The following PDE3B variants were observed in gnomAD, a reference collection of about 807,000 sequenced individuals.
PDE3B encodes the protein cGMP-inhibited 3',5'-cyclic phosphodiesterase 3B.
In PDE3B, 66 loss-of-function variants were observed where a neutral mutation model predicts 116.8. The observed-to-expected ratio is 0.56, with a 90% confidence interval of 0.46 to 0.69. The LOEUF (loss-of-function observed/expected upper bound fraction) is 0.69, where lower values mean the gene tolerates loss of function less well. Among genes scored for constraint, PDE3B ranks in the 30% least tolerant of loss-of-function variants. The probability of loss-of-function intolerance (pLI) is 0.00; values close to 1 mark genes in which losing one functional copy is unlikely to be tolerated. For missense variants in PDE3B, 1,384 were observed against 1,368.1 expected (o/e 1.01, Z -0.18); for synonymous variants, 595 against 533.6 (o/e 1.12, Z -1.59).
At chr11:14,689,311 G>A (rs969572792) in intron 1 of PDE3B, among the ~76,000 whole-genome samples, 2 of 152,078 alleles carry the variant, frequency 1.3e-5, no homozygotes, top group Non-Finnish European at 2.9e-5. Context: ...TGGAAAAGAC[G>A]AGTGGGCAAT....
At chr11:14,768,726 C>T (rs1436230772) in intron 1 of PDE3B, among the ~76,000 whole-genome samples, 1 of 151,396 alleles carries the variant, frequency 6.6e-6, no homozygotes, top group Non-Finnish European at 1.5e-5. Context: ...TTGGGTTTTT[C>T]CCTGATCTGT....
the PDE3B span, among the ~76,000 whole-genome samples, chr11:14,888,655 C>T: frequency 1.3e-5 from 2 of 152,252 alleles, no homozygotes; most frequent in African/African-American, 4.8e-5. Flanking sequence ...CTATCTTGAA[C>T]CAGAAACATT....
intron 1 of PDE3B, among the ~76,000 whole-genome samples, chr11:14,729,126 T>G (rs1189701271): frequency 6.6e-6 from 1 of 152,216 alleles, no homozygotes; most frequent in Non-Finnish European, 1.5e-5. Flanking sequence ...ATCAAATGTT[T>G]CCTGGAGATA....
intron 1 of PDE3B, among the ~76,000 whole-genome samples, chr11:14,744,006 G>A (rs574427574): frequency 2.0e-5 from 3 of 152,256 alleles, no homozygotes; most frequent in East Asian, 1.9e-4. Context: ...GTTGCTATTC[G>A]ACCATCTTGC....
In PDE3B at chr11:14,859,255, T is replaced by G; in HGVS notation, c.2724+9T>G. ...CAGAATTCAATGCCAAGGTTTGTTA[T>G]GAAAATTAGTGCCTGATTTAAAAAA... On this transcript the variant is annotated intron_variant, in intron 13 of 15. Coordinates refer to ENST00000282096, the MANE Select transcript of PDE3B (RefSeq NM_000922.4). 3.2e-6 allele frequency: 5 copies of G among 1,573,738 alleles called. No homozygotes were observed. Among genetic ancestry groups the G allele is most frequent in the Non-Finnish European group, 4.3e-6 (5 of 1,151,078 alleles).
At chr11:14,864,560 C>G (rs1371585419) in intron 14 of PDE3B, among the ~76,000 whole-genome samples, 1 of 152,306 alleles carries the variant, frequency 6.6e-6, no homozygotes, top group Non-Finnish European at 1.5e-5. Context: ...AAGTAAAACA[C>G]TCCTCAGCAA....
intron 1 of PDE3B, chr11:14,674,272 C>T: frequency 1.8e-6 from 2 of 1,123,322 alleles, no homozygotes; most frequent in South Asian, 1.2e-5. Flanking sequence ...TGTCTTCTTT[C>T]CTGGGGCAGC....
At chr11:14,842,424 A>T (rs950871327) in intron 11 of PDE3B, among the ~76,000 whole-genome samples, 3 of 152,350 alleles carry the variant, frequency 2.0e-5, no homozygotes, top group African/African-American at 7.2e-5. Context: ...AATATATTTT[A>T]AAATTGTAGG....
rs1402593397 is a variant in PDE3B, at chr11:14,832,624, T to C, written c.2095-98T>C. ...ATTATTAAAGACGTATATTAATACA[T>C]GGTTAACATTCCAGAATACAAATCA... On this transcript the variant is annotated intron_variant, in intron 9 of 15. Coordinates refer to ENST00000282096, the MANE Select transcript of PDE3B (RefSeq NM_000922.4). 41 of 521,648 alleles carry C rather than the reference T, an allele frequency of 7.9e-5. No individual in the cohort carries two copies. In the East Asian group the frequency reaches 1.3e-3, roughly 17 times the overall value. 32.3% of individuals were successfully genotyped at this position (521,648 alleles called of 1,614,324 possible).
Position 14,644,432 on chromosome 11 carries a change from G to C in PDE3B, c.357G>C (p.Leu119Phe), listed in dbSNP as rs751966148. Residue 119 changes from leucine (L) to phenylalanine (F), a missense_variant, in exon 1 of 16, where the codon TTG (leucine) becomes TTC (phenylalanine). Transcript: ENST00000282096. ...RTLLSVCSHS[L>F]SPLFSIACAF... ...TGCTGAGCGTGTGTTCGCACAGCTT[G>C]AGCCCCCTCTTCAGCATCGCCTGTG... The C allele has an allele frequency of 2.0e-5, 32 of 1,612,626 alleles. No homozygotes were observed. The highest frequency in any genetic ancestry group is 1.0e-4 in the Admixed American group (6 of 59,928).
intron 14 of PDE3B, among the ~76,000 whole-genome samples, chr11:14,863,328 T>G (rs1555007534): frequency 1.3e-5 from 2 of 152,160 alleles, no homozygotes; most frequent in Non-Finnish European, 2.9e-5. Flanking sequence ...GCATTCCTAT[T>G]TCTCCACATC....
chr11:14,699,963 T>C (rs971358754), intron 1 of PDE3B, among the ~76,000 whole-genome samples: 4 of 151,740 alleles, frequency 2.6e-5, no homozygotes, highest in African/African-American at 9.7e-5. Flanking sequence ...ACAAATACAG[T>C]ATTGAGTGCT....
intron 1 of PDE3B, among the ~76,000 whole-genome samples, chr11:14,764,293 T>C (rs1272573334): frequency 6.6e-6 from 1 of 152,120 alleles, no homozygotes; most frequent in African/African-American, 2.4e-5. Flanking sequence ...TTTTCTGCTA[T>C]TGACCTCCAT....
At chr11:14,877,975 GCTCTAGT>G in the PDE3B span, 1 of 773,004 alleles carries the variant, frequency 1.3e-6, no homozygotes, top group Non-Finnish European at 2.1e-6. Context: ...GCTTGTTTCT[GCTCTAGT>G]ACTATTTTAA....
chr11:14,843,711 C>T, intron 11 of PDE3B, 116 bp from the exon 12 acceptor site: 1 of 756,340 alleles, frequency 1.3e-6, no homozygotes, highest in Non-Finnish European at 2.3e-6. Flanking sequence ...TTAGTTCTTA[C>T]TTAAATCAGC....
intron 2 of PDE3B, among the ~76,000 whole-genome samples, chr11:14,779,515 A>G (rs1857904408): frequency 6.6e-6 from 1 of 152,028 alleles, no homozygotes; most frequent in Non-Finnish European, 1.5e-5. Context: ...TCCAATATTC[A>G]GTACTCTTCA....
intron 1 of PDE3B, among the ~76,000 whole-genome samples, chr11:14,748,763 A>G (rs1324282628): frequency 8.5e-5 from 13 of 152,116 alleles, no homozygotes; most frequent in East Asian, 1.9e-4. Context: ...TATTAACTAC[A>G]CTATAGTTAA....
intron 1 of PDE3B, among the ~76,000 whole-genome samples, chr11:14,651,049 G>T (rs983738964): frequency 6.6e-6 from 1 of 152,100 alleles, no homozygotes; most frequent in Non-Finnish European, 1.5e-5. Context: ...TAGGTGGCTT[G>T]AACAGCAGAA....
In PDE3B at chr11:14,647,048, A is replaced by G. The variant is rs993109337; in HGVS notation, c.978+1995A>G. Reference sequence around the variant, plus strand: ...TAACTTAGCAGATACTATCATAACAAGAATGTTTATTTATGCTTGTTCCAG... The same window carrying G: ...TAACTTAGCAGATACTATCATAACAGGAATGTTTATTTATGCTTGTTCCAG... On this transcript the variant is annotated intron_variant, in intron 1 of 15. Coordinates refer to ENST00000282096, the MANE Select transcript of PDE3B (RefSeq NM_000922.4). Among the ~76,000 whole-genome samples the G allele has an allele frequency of 2.6e-5, 4 of 152,060 alleles. No homozygotes were observed. The East Asian group carries it at 7.7e-4, about 29-fold the overall frequency.
Sources: gnomAD v4.1 joint callset for allele counts (sites outside exome capture counted in the v4.1 genomes callset) on GRCh38, gnomAD v4.1.1 for gene constraint, MANE v1.5 for transcripts, NCBI Gene and HGNC (gene_info 2026-07-23, HGNC 2026-07-21) for gene names.